SIK3: variants seen among roughly 807,000 people sequenced by gnomAD.
The protein encoded by SIK3 is SIK family kinase 3.
In SIK3, 28 loss-of-function variants were observed where a neutral mutation model predicts 144.2. The observed-to-expected ratio is 0.19, with a 90% CI of 0.14 to 0.27. The LOEUF (loss-of-function observed/expected upper bound fraction) is 0.27, where lower values mean the gene tolerates loss of function less well. SIK3 is among the 10% of genes least tolerant of loss of function. The probability of loss-of-function intolerance (pLI) is 1.00; values close to 1 mark genes in which losing one functional copy is unlikely to be tolerated. For missense variants in SIK3, 1,319 were observed against 1,776.0 expected (o/e 0.74, Z 4.62); for synonymous variants, 686 against 676.3 (o/e 1.01, Z -0.22).
At chr11:117,060,930 T>C (rs1361289302) in intron 1 of SIK3, among the ~76,000 whole-genome samples, 2 of 152,118 alleles carry the variant, frequency 1.3e-5, no homozygotes, top group African/African-American at 4.8e-5. Flanking sequence ...CTGCTCAACT[T>C]TTCTGTAAAC....
At chr11:117,075,045 G>A (rs1221919116) in intron 1 of SIK3, among the ~76,000 whole-genome samples, 1 of 151,966 alleles carries the variant, frequency 6.6e-6, no homozygotes, top group Non-Finnish European at 1.5e-5. Context: ...AAAGTAAGAT[G>A]CAGACTATTG....
chr11:116,900,523 A>G (rs983538692), intron 4 of SIK3, among the ~76,000 whole-genome samples: 1 of 152,190 alleles, frequency 6.6e-6, no homozygotes, highest in Admixed American at 6.6e-5. Flanking sequence ...AAGAGTCTTC[A>G]TCTCAGCATT....
chr11:117,088,695 G>T (rs1955120434), intron 1 of SIK3, among the ~76,000 whole-genome samples: 1 of 152,078 alleles, frequency 6.6e-6, no homozygotes, highest in African/African-American at 2.4e-5. Flanking sequence ...TTTTTTATTT[G>T]AGAAGTGCTC....
intron 1 of SIK3, among the ~76,000 whole-genome samples, chr11:117,088,381 C>CT (rs1267074017): frequency 6.6e-6 from 1 of 152,168 alleles, no homozygotes; most frequent in Non-Finnish European, 1.5e-5. Flanking sequence ...GTGAAATCTC[C>CT]TTACTCGGAG....
chr11:117,010,789 T>C (rs1323761375), intron 1 of SIK3, among the ~76,000 whole-genome samples: 1 of 152,210 alleles, frequency 6.6e-6, no homozygotes, highest in Admixed American at 6.5e-5. Context: ...TATGTATAAA[T>C]GTACATATAC....
intron 1 of SIK3, among the ~76,000 whole-genome samples, chr11:117,052,411 G>A (rs999031942): frequency 1.3e-5 from 2 of 152,136 alleles, no homozygotes; most frequent in African/African-American, 4.8e-5. Flanking sequence ...GTTAAGGGTT[G>A]GCAGTAAAAC....
At chr11:116,968,132 A>G (rs1166571332) in intron 1 of SIK3, among the ~76,000 whole-genome samples, 1 of 152,052 alleles carries the variant, frequency 6.6e-6, no homozygotes, top group Non-Finnish European at 1.5e-5. Context: ...TAATTCTTAA[A>G]TTTCTGGGTT....
chr11:117,055,089 A>AAGTAGTTTATTCACGGACACAGTC (rs1591621070), intron 1 of SIK3, among the ~76,000 whole-genome samples: 1 of 152,328 alleles, frequency 6.6e-6, no homozygotes, highest in East Asian at 1.9e-4. Flanking sequence ...TAAAGAAAAT[A>AAGTAGTTTATTCACGGACACAGTC]AGTAGTTTAT....
intron 6 of SIK3, among the ~76,000 whole-genome samples, chr11:116,885,717 T>A (rs184561138): frequency 2.6e-5 from 4 of 152,258 alleles, no homozygotes. Context: ...TAACTTACTA[T>A]GTATTTATTG....
At chr11:117,078,762 C>T (rs1954661907) in intron 1 of SIK3, among the ~76,000 whole-genome samples, 1 of 151,840 alleles carries the variant, frequency 6.6e-6, no homozygotes, top group African/African-American at 2.4e-5. Flanking sequence ...TAATTTAACC[C>T]GAAATCTGCA....
intron 1 of SIK3, among the ~76,000 whole-genome samples, chr11:117,039,689 C>T (rs1952658595): frequency 1.3e-5 from 2 of 152,118 alleles, no homozygotes; most frequent in South Asian, 4.1e-4. Context: ...TCATAAGTAA[C>T]ATTTGTTGGG....
At chr11:116,876,431 T>C (rs1944259321) in intron 7 of SIK3, 68 bp from the exon 8 acceptor site, 14 of 1,283,406 alleles carry the variant, frequency 1.1e-5, no homozygotes, top group Admixed American at 3.4e-5. Flanking sequence ...ACAGCATATA[T>C]AATGACCAAC....
Position 116,916,090 on chromosome 11 carries a change from T to C in SIK3, c.616+11129A>G, listed in dbSNP as rs972565658. 2.0e-5 allele frequency among the ~76,000 whole-genome samples: 3 copies of C among 152,354 alleles called. No homozygotes were observed. The East Asian group carries it at 5.8e-4, about 29-fold the overall frequency. The stretch of plus-strand genomic sequence containing the variant: ...AAATAGAAAAGTCATTATCACTTTG[T>C]ATGACATGAATCTCTTGGAACACTG... On this transcript the variant is annotated intron_variant, in intron 4 of 24. Coordinates refer to ENST00000445177, the MANE Select transcript of SIK3 (RefSeq NM_001366686.3).
intron 11 of SIK3, 56 bp from the exon 12 acceptor site, chr11:116,874,112 T>C: frequency 6.4e-7 from 1 of 1,573,762 alleles, no homozygotes; most frequent in South Asian, 1.1e-5. Context: ...TCAAAAGTGC[T>C]TATATCCCAA....
intron 1 of SIK3, among the ~76,000 whole-genome samples, chr11:117,080,878 G>A (rs747476279): frequency 2.0e-5 from 3 of 152,122 alleles, no homozygotes; most frequent in Non-Finnish European, 4.4e-5. Flanking sequence ...AATCTGGGAG[G>A]CAGAAGTTGC....
At chr11:117,026,510 A>C (rs1952016953) in intron 1 of SIK3, among the ~76,000 whole-genome samples, 1 of 152,192 alleles carries the variant, frequency 6.6e-6, no homozygotes, top group Non-Finnish European at 1.5e-5. Context: ...TGACATGCTG[A>C]AGAAAACCAA....
chr11:116,956,437 A>G (rs768175837), intron 2 of SIK3, among the ~76,000 whole-genome samples: 10 of 152,160 alleles, frequency 6.6e-5, no homozygotes, highest in Admixed American at 6.5e-5. Flanking sequence ...TGGAAAACTA[A>G]GTCTACAATC....
chr11:117,073,274 T>C (rs1954359165), intron 1 of SIK3, among the ~76,000 whole-genome samples: 1 of 152,226 alleles, frequency 6.6e-6, no homozygotes, highest in African/African-American at 2.4e-5. Flanking sequence ...TTCCTTAGCA[T>C]TCCTTCTACT....
At chr11:116,853,847 A>G (rs1445499948) in intron 21 of SIK3, among the ~76,000 whole-genome samples, 2 of 152,236 alleles carry the variant, frequency 1.3e-5, no homozygotes, top group African/African-American at 4.8e-5. Context: ...TAGAAGAAAG[A>G]CAAACCTTGT....
Sources: allele counts gnomAD v4.1 joint callset (sites outside exome capture counted in the v4.1 genomes callset), GRCh38; gene constraint gnomAD v4.1.1; transcripts MANE v1.5; gene names NCBI Gene and HGNC (gene_info 2026-07-23, HGNC 2026-07-21).